The following CD8B variants were observed in gnomAD, a reference collection of about 807,000 sequenced individuals.
The protein encoded by CD8B is T-cell surface glycoprotein CD8 beta chain.
CD8B carries 6 observed loss-of-function variants against 24.2 expected under a neutral mutation model. The ratio of observed to expected loss-of-function variants is 0.25; its 90% CI spans 0.14 to 0.49. The LOEUF is 0.49. CD8B is among the 20% of genes least tolerant of loss of function. The pLI is 0.98. For missense variants in CD8B, 196 were observed against 271.3 expected, an observed-to-expected ratio of 0.72 and a Z score of 1.95; for synonymous variants, 84 against 108.3, an observed-to-expected ratio of 0.78 and a Z score of 1.39.
At chr2:86,861,336 A>G (rs1405226961) in intron 1 of CD8B, among the ~76,000 whole-genome samples, 1 of 151,946 alleles carries the variant, frequency 6.6e-6, no homozygotes, top group Non-Finnish European at 1.5e-5. Flanking sequence ...AGCCAGAGGG[A>G]TCACCCTGCC....
chr2:86,829,815 A>AC (rs1674836905), intron 5 of CD8B, among the ~76,000 whole-genome samples: 1 of 152,088 alleles, frequency 6.6e-6, no homozygotes, highest in Non-Finnish European at 1.5e-5. Flanking sequence ...TTACCTCCAC[A>AC]CCACCGGCTG....
downstream of CD8B, among the ~76,000 whole-genome samples, chr2:86,836,143 A>G (rs919695826): frequency 1.3e-5 from 2 of 151,900 alleles, no homozygotes; most frequent in African/African-American, 4.8e-5. Context: ...TGGGGGAGCC[A>G]GCAGGGGAGG....
Position 86,858,353 on chromosome 2 carries a change from A to G in CD8B, c.107T>C (p.Met36Thr), listed in dbSNP as rs953935080. The G allele has an allele frequency of 5.0e-6, 8 of 1,613,624 alleles. No homozygotes were observed. The highest frequency in any genetic ancestry group is 2.2e-5 in the East Asian group (1 of 44,878). The change falls in exon 2 of 6, where the codon ATG becomes ACG. Residue 36 changes from methionine to threonine, a missense_variant. Met to Thr is a moderately conservative substitution (Grantham distance 81, BLOSUM62 -1). Transcript: ENST00000390655. ...TTTAGCCTCGCAGGACAGCATCACC[A>G]TCTTGTTGGTTTGCACCTTTATGTA... Reference protein sequence around the residue: ...PAYIKVQTNKMVMLSCEAKIS... With the variant: ...PAYIKVQTNKTVMLSCEAKIS...
intron 1 of CD8B, among the ~76,000 whole-genome samples, chr2:86,861,073 C>G (rs1386427974): frequency 6.6e-6 from 1 of 152,174 alleles, no homozygotes; most frequent in African/African-American, 2.4e-5. Context: ...TGGGCCAGAA[C>G]CCCCGGCGGG....
intron 5 of CD8B, among the ~76,000 whole-genome samples, chr2:86,818,070 C>G (rs190402312): frequency 2.0e-5 from 3 of 151,852 alleles, no homozygotes; most frequent in African/African-American, 7.3e-5. Flanking sequence ...ATTAGCCGGG[C>G]GTGGTGGCGG....
intron 1 of CD8B, among the ~76,000 whole-genome samples, chr2:86,860,435 G>T (rs1171210890): frequency 6.6e-6 from 1 of 152,178 alleles, no homozygotes; most frequent in Non-Finnish European, 1.5e-5. Context: ...ACTTCTTGGG[G>T]GAGTTAATAA....
downstream of CD8B, among the ~76,000 whole-genome samples, chr2:86,836,324 G>A (rs1214508595): frequency 2.0e-5 from 3 of 152,156 alleles, no homozygotes; most frequent in Non-Finnish European, 2.9e-5. Flanking sequence ...CACAGGCCTC[G>A]GCCCTGGGCT....
At chr2:86,861,612 G>A (rs1445765172) in intron 1 of CD8B, among the ~76,000 whole-genome samples, 1 of 152,144 alleles carries the variant, frequency 6.6e-6, no homozygotes, top group Admixed American at 6.5e-5. Context: ...CTCAGTCCAG[G>A]GGCTCTCCGG....
Position 86,841,758 on chromosome 2 carries a change from C to T in CD8B, c.*549G>A, listed in dbSNP as rs955147825. On this transcript the variant is annotated 3_prime_UTR_variant, in exon 6 of 6. Transcript: ENST00000390655. ...TCCTATCCTCAAACCCGCAAGTTCC[C>T]GGCCCCAAAGGAAGCCCTCAGAGAC... 2.0e-5 allele frequency: 20 copies of T among 985,458 alleles called. No homozygotes were observed. The highest frequency in any genetic ancestry group is 1.2e-4 in the Admixed American group (2 of 16,272). 61.0% of individuals were successfully genotyped at this position (985,458 alleles called of 1,614,324 possible). A position where few individuals can be genotyped will look rare whatever the true frequency, so the allele number is the denominator to read the frequency against.
intron 3 of CD8B, among the ~76,000 whole-genome samples, chr2:86,849,860 T>C (rs1356568619): frequency 6.6e-6 from 1 of 151,976 alleles, no homozygotes; most frequent in Non-Finnish European, 1.5e-5. Flanking sequence ...CCCACCACAA[T>C]GCCCAGCTAA....
intron 3 of CD8B, among the ~76,000 whole-genome samples, chr2:86,850,742 T>G (rs2104563404): frequency 6.6e-6 from 1 of 152,298 alleles, no homozygotes; most frequent in East Asian, 1.9e-4. Context: ...CTTAATAACC[T>G]ATTAATGTTT....
In CD8B at chr2:86,841,803, T is replaced by C. The variant is rs1675438719; in HGVS notation, c.*504A>G. 10 of 985,746 alleles carry C rather than the reference T, an allele frequency of 1.0e-5. No individual in the cohort carries two copies. Among genetic ancestry groups the C allele is most frequent in the Non-Finnish European group, 1.2e-5 (10 of 830,210 alleles). 61.1% of individuals were successfully genotyped at this position (985,746 alleles called of 1,614,324 possible). On this transcript the variant is annotated 3_prime_UTR_variant, in exon 6 of 6. Coordinates refer to ENST00000390655, the MANE Select transcript of CD8B (RefSeq NM_004931.5). ...AGAGACTGATATGCCTTCTGGGAAC[T>C]GGACAGCCCCTCTCAGCAAGCCTCA...
chr2:86,847,074 C>T (rs1424577061), intron 3 of CD8B, among the ~76,000 whole-genome samples: 3 of 151,430 alleles, frequency 2.0e-5, no homozygotes, highest in Non-Finnish European at 2.9e-5. Flanking sequence ...GTAGCTGGGA[C>T]TACAGGCATG....
Position 86,833,076 on chromosome 2 carries a change from A to C in CD8B, c.620+11846T>G, listed in dbSNP as rs970884466. ...CTCACAGGGTCATAGGCACAGGAACACAGCTACAGACATGAAGATGCTTTC... is the reference window on the plus strand; with the variant it reads ...CTCACAGGGTCATAGGCACAGGAACCCAGCTACAGACATGAAGATGCTTTC... On this transcript the variant is annotated intron_variant, in intron 5 of 5. Coordinates refer to the CD8B transcript ENST00000331469. 4 of 331,428 alleles carry C rather than the reference A, an allele frequency of 1.2e-5. No homozygotes were observed. In the Admixed American group the frequency reaches 1.6e-4, roughly 13 times the overall value. 20.5% of individuals were successfully genotyped at this position (331,428 alleles called of 1,614,324 possible). A position where few individuals can be genotyped will look rare whatever the true frequency, so the allele number is the denominator to read the frequency against.
chr2:86,846,955 T>TTTTTTA (rs1675718784), intron 3 of CD8B, among the ~76,000 whole-genome samples, 182 bp from the exon 4 acceptor site: 2 of 123,638 alleles, frequency 1.6e-5, no homozygotes, highest in Admixed American at 8.2e-5. Context: ...TTTTTTTTTT[T>TTTTTTA]GAGACAGAGT....
intron 3 of CD8B, among the ~76,000 whole-genome samples, chr2:86,850,721 T>A (rs905298843): frequency 2.4e-4 from 37 of 152,136 alleles, no homozygotes; most frequent in Admixed American, 1.4e-3. Context: ...TTCACACACA[T>A]CCGGGTTATT....
At chr2:86,831,450 C>T (rs990549478) in intron 5 of CD8B, among the ~76,000 whole-genome samples, 8 of 152,236 alleles carry the variant, frequency 5.3e-5, no homozygotes, top group Non-Finnish European at 8.8e-5. Flanking sequence ...ATTCATGCAT[C>T]ACTTCAGTGA....
rs866908006 is a variant in CD8B at position 86,860,486 on chromosome 2, C to T, written c.43+1337G>A. ...GTTTATTGAGCTGTGCCTGGCATGG[C>T]GCATACATTATCTCATTTGATCCTC... On this transcript the variant is annotated intron_variant, in intron 1 of 5. Transcript: ENST00000390655. Among the ~76,000 whole-genome samples the T allele has an allele frequency of 3.9e-4, 60 of 152,136 alleles. No individual in the cohort carries two copies. In the Middle Eastern group the frequency reaches 0.01, roughly 26 times the overall value.
intron 5 of CD8B, among the ~76,000 whole-genome samples, chr2:86,825,108 G>T (rs1674624813): frequency 6.6e-6 from 1 of 152,318 alleles, no homozygotes; most frequent in East Asian, 1.9e-4. Flanking sequence ...ACATGAGGAG[G>T]CTGGGAAAAG....
Sources: allele counts gnomAD v4.1 joint callset (sites outside exome capture counted in the v4.1 genomes callset), GRCh38; gene constraint gnomAD v4.1.1; transcripts MANE v1.5; gene names NCBI Gene and HGNC (gene_info 2026-07-23, HGNC 2026-07-21).